Variants in GLB1 observed in about 807,000 individuals in gnomAD.
GLB1 encodes the protein beta-galactosidase.
In GLB1, 56 loss-of-function variants were observed where a neutral mutation model predicts 74.0. That is an observed-to-expected ratio of 0.76 (90% CI 0.61 to 0.94). GLB1 has a LOEUF of 0.94. GLB1 is among the 40% of genes least tolerant of loss of function. The pLI is 0.00. For missense variants in GLB1, 787 were observed against 845.5 expected (o/e 0.93, Z 0.86); for synonymous variants, 323 against 323.6 (o/e 1.00, Z 0.02).
At chr3:32,990,019 T>C in the GLB1 span, among the ~76,000 whole-genome samples, 1 of 152,298 alleles carries the variant, frequency 6.6e-6, no homozygotes, top group South Asian at 2.1e-4. Flanking sequence ...ACAAAAGATA[T>C]GTGAAAATAA....
intron 4 of GLB1, among the ~76,000 whole-genome samples, chr3:33,066,999 TTTC>T (rs1330870837): frequency 1.2e-5 from 1 of 84,022 alleles, no homozygotes; most frequent in African/African-American, 3.1e-5. Flanking sequence ...TTTGTTTTTA[TTTC>T]TTTTTTTTTT....
At chr3:33,045,456 T>A in intron 10 of GLB1, 3 of 986,092 alleles carry the variant, frequency 3.0e-6, no homozygotes, top group Non-Finnish European at 3.6e-6. Context: ...TTCCTCATTC[T>A]GAAATCACAT....
Position 32,997,336 on chromosome 3 carries a change from G to T in GLB1, c.1743C>A (p.Val581=), listed in dbSNP as rs1458768066. Residue 581 remains valine, a synonymous_variant, in exon 16 of 16, where the codon GTC becomes GTA. Transcript: ENST00000307363. ...GGCCAAGGTTAAAGCCATTAATCCAGACCTGGCCCTGGAGAGAGAGAGACA... is the reference window on the plus strand; with the variant it reads ...GGCCAAGGTTAAAGCCATTAATCCATACCTGGCCCTGGAGAGAGAGAGACA... The part of the protein sequence containing the change: ...IQFPGWTKGQ[V]WINGFNLGRY... The T allele has an allele frequency of 3.7e-6, 6 of 1,613,046 alleles. No individual in the cohort carries two copies. The South Asian group carries it at 6.6e-5, about 18-fold the overall frequency.
intron 1 of GLB1, among the ~76,000 whole-genome samples, chr3:33,074,067 C>T (rs1386863083): frequency 1.4e-5 from 2 of 147,290 alleles, no homozygotes; most frequent in Non-Finnish European, 1.5e-5. Flanking sequence ...AGGCTGGGTG[C>T]GGTGGCTCAC....
intron 1 of GLB1, among the ~76,000 whole-genome samples, chr3:33,086,580 T>G (rs1462593186): frequency 6.6e-6 from 1 of 152,162 alleles, no homozygotes; most frequent in Non-Finnish European, 1.5e-5. Flanking sequence ...AATCTTAATA[T>G]CAGTGAAGCA....
chr3:33,095,407 T>G (rs1290572051), intron 1 of GLB1, among the ~76,000 whole-genome samples: 1 of 152,022 alleles, frequency 6.6e-6, no homozygotes, highest in Non-Finnish European at 1.5e-5. Context: ...GCGCCTGTAG[T>G]CCCAGCTACT....
intron 7 of GLB1, chr3:33,052,621 C>T (rs1324365338): frequency 1.3e-5 from 2 of 153,276 alleles, no homozygotes. Flanking sequence ...CATAGTGAGA[C>T]TCCATTTAAA....
chr3:32,968,910 C>T, the GLB1 span, among the ~76,000 whole-genome samples: 1 of 152,212 alleles, frequency 6.6e-6, no homozygotes, highest in Non-Finnish European at 1.5e-5. Context: ...GGATGGCCTC[C>T]TTGTTTTAAA....
intron 6 of GLB1, among the ~76,000 whole-genome samples, chr3:33,054,468 A>G (rs2125527106): frequency 6.6e-6 from 1 of 152,258 alleles, no homozygotes; most frequent in South Asian, 2.1e-4. Flanking sequence ...CAGGGCCTGG[A>G]CACATATCTT....
Position 33,016,729 on chromosome 3 carries a change from C to T in GLB1, c.1459G>A (p.Ala487Thr). ...CCTACCTTAAAATCGTTGATATATG[C>T]ACCATAGTTCACACGTCCCATGTTC... ...VENMGRVNYGAYINDFKGLVS... is the reference protein window; with the variant it reads ...VENMGRVNYGTYINDFKGLVS... The change falls in exon 14 of 16, where the codon GCA becomes ACA. Residue 487 changes from alanine to threonine, a missense_variant. Coordinates refer to ENST00000307363, the MANE Select transcript of GLB1 (RefSeq NM_000404.4). 1 of 1,614,044 alleles carries T rather than the reference C, an allele frequency of 6.2e-7. No homozygotes were observed. The highest frequency in any genetic ancestry group is 8.5e-7 in the Non-Finnish European group (1 of 1,179,936).
chr3:32,971,988 T>C, the GLB1 span, among the ~76,000 whole-genome samples: 1 of 152,066 alleles, frequency 6.6e-6, no homozygotes, highest in Non-Finnish European at 1.5e-5. Flanking sequence ...ATCCAGTTTA[T>C]GATAAAAATA....
chr3:33,096,327 C>G, intron 1 of GLB1: 1 of 943,564 alleles, frequency 1.1e-6, no homozygotes, highest in Non-Finnish European at 1.3e-6. Context: ...CTGTGCACGC[C>G]CCGCACCTCA....
chr3:32,970,431 A>T, the GLB1 span, among the ~76,000 whole-genome samples: 1 of 152,168 alleles, frequency 6.6e-6, no homozygotes, highest in Non-Finnish European at 1.5e-5. Context: ...TAGAAAAACT[A>T]ACTTTAAAAA....
intron 5 of GLB1, among the ~76,000 whole-genome samples, chr3:33,061,470 G>T (rs941775667): frequency 6.6e-6 from 1 of 152,100 alleles, no homozygotes; most frequent in African/African-American, 2.4e-5. Context: ...CAGCCATAGA[G>T]GTCTCCATCT....
intron 10 of GLB1, among the ~76,000 whole-genome samples, chr3:33,039,106 A>G (rs1027934314): frequency 6.6e-6 from 1 of 151,990 alleles, no homozygotes; most frequent in African/African-American, 2.4e-5. Flanking sequence ...CCTGACCAAC[A>G]TGGTGAATCC....
chr3:33,000,749 AG>A (rs1696525954), intron 15 of GLB1, among the ~76,000 whole-genome samples: 1 of 152,136 alleles, frequency 6.6e-6, no homozygotes, highest in African/African-American at 2.4e-5. Context: ...CAAAACAAAC[AG>A]AAAAAACCCA....
chr3:32,977,798 G>A, the GLB1 span, among the ~76,000 whole-genome samples: 2 of 152,314 alleles, frequency 1.3e-5, no homozygotes, highest in East Asian at 1.9e-4. Context: ...GACAGCCTCT[G>A]CACTGACACC....
chr3:32,968,758 G>C, the GLB1 span, among the ~76,000 whole-genome samples: 1 of 152,156 alleles, frequency 6.6e-6, no homozygotes, highest in Admixed American at 6.5e-5. Flanking sequence ...CCAGCTTTAG[G>C]ACCGCCAGAT....
In GLB1 at chr3:33,090,565, A is replaced by G; in HGVS notation, c.75+6446T>C. 3.0e-6 allele frequency: 3 copies of G among 985,488 alleles called. No individual in the cohort carries two copies. In the South Asian group the frequency reaches 1.4e-4, roughly 46 times the overall value. The allele number at this position is 985,488 out of a possible 1,614,324, so 61.0% of individuals were successfully genotyped here. Reference sequence around the variant, plus strand: ...AAATAAAGAAACAAATGAAATTGAAAGAATGATCAAGCTTCAAGTAACGTT... The same window carrying G: ...AAATAAAGAAACAAATGAAATTGAAGGAATGATCAAGCTTCAAGTAACGTT... On this transcript the variant is annotated intron_variant, in intron 1 of 15. Transcript: ENST00000307363.
Sources: gnomAD v4.1 joint callset for allele counts (sites outside exome capture counted in the v4.1 genomes callset) on GRCh38, gnomAD v4.1.1 for gene constraint, MANE v1.5 for transcripts, NCBI Gene and HGNC (gene_info 2026-07-23, HGNC 2026-07-21) for gene names.